KCNH1: variants seen among roughly 807,000 people sequenced by gnomAD.
KCNH1 encodes the protein potassium voltage-gated channel subfamily H member 1, also known as voltage-gated delayed rectifier potassium channel KCNH1.
In KCNH1, 27 loss-of-function variants were observed where a neutral mutation model predicts 69.2. The ratio of observed to expected loss-of-function variants is 0.39; its 90% CI spans 0.29 to 0.54. The LOEUF is 0.54. Among genes scored for constraint, KCNH1 ranks in the 20% least tolerant of loss-of-function variants. KCNH1 has a pLI of 0.68. For missense variants in KCNH1, 798 were observed against 1,261.6 expected, an observed-to-expected ratio of 0.63 and a Z score of 5.57; for synonymous variants, 456 against 487.7, an observed-to-expected ratio of 0.93 and a Z score of 0.86.
chr1:211,023,221 T>C (rs530435815), intron 5 of KCNH1, among the ~76,000 whole-genome samples: 2 of 151,880 alleles, frequency 1.3e-5, no homozygotes, highest in South Asian at 4.1e-4. Context: ...TTGTTGGGGA[T>C]GTAAATTAAT....
chr1:211,031,511 T>C (rs912433547), intron 5 of KCNH1, among the ~76,000 whole-genome samples: 7 of 152,088 alleles, frequency 4.6e-5, no homozygotes, highest in Admixed American at 1.3e-4. Flanking sequence ...ACTGGCAAAC[T>C]GAATCCAGCA....
intron 7 of KCNH1, among the ~76,000 whole-genome samples, chr1:210,851,992 C>T (rs1241989998): frequency 6.6e-6 from 1 of 152,182 alleles, no homozygotes; most frequent in Non-Finnish European, 1.5e-5. Context: ...TGCCCCCACA[C>T]AGTTTAAAGA....
intron 6 of KCNH1, among the ~76,000 whole-genome samples, chr1:210,942,850 C>T (rs1687898088): frequency 6.6e-6 from 1 of 151,758 alleles, no homozygotes; most frequent in Non-Finnish European, 1.5e-5. Context: ...TCTAAACTTG[C>T]TTTAAAAGAT....
chr1:210,933,257 G>T (rs372025349), intron 6 of KCNH1, among the ~76,000 whole-genome samples: 5 of 151,628 alleles, frequency 3.3e-5, no homozygotes, highest in Admixed American at 1.3e-4. Context: ...GTAAACTATC[G>T]CAAGAACAAA....
Position 210,920,168 on chromosome 1 carries a change from T to C in KCNH1, c.1033-99A>G. ...GCCATTATTTTAAGCATAGTGTATT[T>C]CCATGAGATGCAATTTTATGCAACC... is the stretch of plus-strand genomic sequence containing the variant. On this transcript the variant is annotated intron_variant, in intron 6 of 10. Coordinates refer to ENST00000271751, the MANE Select transcript of KCNH1 (RefSeq NM_172362.3). 3 of 1,015,406 alleles carry C rather than the reference T, an allele frequency of 3.0e-6. No individual in the cohort carries two copies. In the South Asian group the frequency reaches 5.3e-5, roughly 18 times the overall value. 62.9% of individuals were successfully genotyped at this position (1,015,406 alleles called of 1,614,324 possible).
intron 6 of KCNH1, among the ~76,000 whole-genome samples, chr1:210,950,309 A>T (rs1219891702): frequency 4.1e-5 from 6 of 147,340 alleles, no homozygotes; most frequent in African/African-American, 1.5e-4. Context: ...ATGCTGGTGC[A>T]CTGCACCCAC....
At chr1:210,984,304 C>T (rs1688782444) in intron 6 of KCNH1, among the ~76,000 whole-genome samples, 1 of 152,130 alleles carries the variant, frequency 6.6e-6, no homozygotes, top group African/African-American at 2.4e-5. Context: ...GAACTTCCAA[C>T]ACTATGTTGA....
At chr1:210,713,145 A>G (rs1351716482) in intron 10 of KCNH1, among the ~76,000 whole-genome samples, 1 of 147,068 alleles carries the variant, frequency 6.8e-6, no homozygotes, top group East Asian at 2.2e-4. Flanking sequence ...AACATATTCA[A>G]AGAAAGATGC....
rs368207212 is a variant in KCNH1, at chr1:211,107,168, G to C, written c.203+86C>G. The C allele has an allele frequency of 2.1e-4, 302 of 1,462,698 alleles. 1 individual carries two copies. The South Asian group carries it at 2.8e-3, about 14-fold the overall frequency. The allele number at this position is 1,462,698 out of a possible 1,614,324, so 90.6% of individuals were successfully genotyped here. ...TGAATACACACTAAATGAGGTAAAG[G>C]CAATTCCCGAATGCAGTAAACCATT... is the stretch of plus-strand genomic sequence containing the variant. On this transcript the variant is annotated intron_variant, in intron 2 of 10. Transcript: ENST00000271751.
chr1:210,793,967 A>C (rs1684259037), intron 9 of KCNH1, among the ~76,000 whole-genome samples: 1 of 152,030 alleles, frequency 6.6e-6, no homozygotes. Flanking sequence ...CTATATCCCC[A>C]CCCCTATGAC....
intron 10 of KCNH1, among the ~76,000 whole-genome samples, chr1:210,740,432 C>T (rs999855606): frequency 2.0e-5 from 3 of 152,000 alleles, no homozygotes; most frequent in South Asian, 2.1e-4. Context: ...CTTCTATATT[C>T]GGTTCTGCTT....
In KCNH1 at chr1:210,787,594, T is replaced by C. The variant is rs556910574; in HGVS notation, c.1915+9914A>G. 1.8e-4 allele frequency among the ~76,000 whole-genome samples: 28 copies of C among 152,296 alleles called. 1 individual carries two copies. In the South Asian group the frequency reaches 5.4e-3, roughly 29 times the overall value. The stretch of plus-strand genomic sequence containing the variant: ...AGTCCAGGATATGAAAGACTTAGAA[T>C]GTCTTAGGCTGGATGACTTTGAGGA... On this transcript the variant is annotated intron_variant, in intron 9 of 10. Coordinates refer to ENST00000271751, the MANE Select transcript of KCNH1 (RefSeq NM_172362.3).
intron 5 of KCNH1, among the ~76,000 whole-genome samples, chr1:211,041,299 C>A (rs1370350281): frequency 7.9e-5 from 12 of 152,160 alleles, no homozygotes; most frequent in Admixed American, 7.2e-4. Context: ...TCTTCCTTCT[C>A]ACTCTCCTTG....
chr1:210,790,739 T>G (rs909206969), intron 9 of KCNH1, among the ~76,000 whole-genome samples: 3 of 152,232 alleles, frequency 2.0e-5, no homozygotes, highest in Non-Finnish European at 4.4e-5. Context: ...TTACTTCTAC[T>G]GTAAGCCATA....
chr1:210,877,848 T>C (rs181656029), intron 7 of KCNH1, among the ~76,000 whole-genome samples: 1 of 152,272 alleles, frequency 6.6e-6, no homozygotes, highest in Non-Finnish European at 1.5e-5. Context: ...ACCTGATACA[T>C]AGGTGATAAT....
chr1:211,003,479 C>T (rs1432752931), intron 6 of KCNH1, among the ~76,000 whole-genome samples: 1 of 152,200 alleles, frequency 6.6e-6, no homozygotes, highest in East Asian at 1.9e-4. Context: ...GCCCCTAACT[C>T]TAATCCTGAT....
At chr1:210,802,801 G>T (rs985730733) in intron 8 of KCNH1, among the ~76,000 whole-genome samples, 3 of 152,170 alleles carry the variant, frequency 2.0e-5, no homozygotes, top group African/African-American at 7.2e-5. Context: ...CTTGATCACT[G>T]TTTCCTGGAC....
chr1:210,741,589 C>T (rs1683032233), intron 10 of KCNH1, among the ~76,000 whole-genome samples: 1 of 152,172 alleles, frequency 6.6e-6, no homozygotes, highest in Non-Finnish European at 1.5e-5. Context: ...AACAATTGTT[C>T]TACCCAAGCA....
intron 10 of KCNH1, among the ~76,000 whole-genome samples, chr1:210,732,794 A>G (rs778421006): frequency 5.3e-5 from 8 of 152,204 alleles, no homozygotes; most frequent in Non-Finnish European, 7.3e-5. Flanking sequence ...GGCCTCTTTT[A>G]TAAGGGCATT....
Sources: allele counts gnomAD v4.1 joint callset (sites outside exome capture counted in the v4.1 genomes callset), GRCh38; gene constraint gnomAD v4.1.1; transcripts MANE v1.5; gene names NCBI Gene and HGNC (gene_info 2026-07-23, HGNC 2026-07-21).